TMEM201: variants seen among roughly 807,000 people sequenced by gnomAD.
TMEM201 encodes the protein RP13-15M17.2.
TMEM201 carries 26 observed loss-of-function variants against 63.4 expected under a neutral mutation model. That is an observed-to-expected ratio of 0.41 (90% CI 0.30 to 0.57). The LOEUF (loss-of-function observed/expected upper bound fraction) is 0.57, where lower values mean the gene tolerates loss of function less well. Ranked by LOEUF, TMEM201 falls within the 20% of genes least tolerant of loss-of-function variation. TMEM201 has a pLI of 0.29. For missense variants in TMEM201, 794 were observed against 917.7 expected, an observed-to-expected ratio of 0.87 and a Z score of 1.74; for synonymous variants, 417 against 421.6, an observed-to-expected ratio of 0.99 and a Z score of 0.14.
intron 6 of TMEM201, 189 bp downstream of exon 6, chr1:9,602,461 T>A: frequency 7.0e-7 from 1 of 1,435,792 alleles, no homozygotes; most frequent in East Asian, 2.5e-5. Flanking sequence ...TGCCCTGCCT[T>A]TTCCTTTCGG....
At position 9,603,260 on chromosome 1, in the gene TMEM201, G is replaced by T. The variant is rs1644181201; in HGVS notation, c.1160+988G>T. 1 of 985,166 alleles carries T rather than the reference G, an allele frequency of 1.0e-6. No homozygotes were observed. Among genetic ancestry groups the T allele is most frequent in the Non-Finnish European group, 1.2e-6 (1 of 829,704 alleles). 61.0% of individuals were successfully genotyped at this position (985,166 alleles called of 1,614,324 possible). A position where few individuals can be genotyped will look rare whatever the true frequency, so the allele number is the denominator to read the frequency against. On this transcript the variant is annotated intron_variant, in intron 6 of 10. Coordinates refer to ENST00000340381, the MANE Select transcript of TMEM201 (RefSeq NM_001130924.3). This position sits in a 1 kb window ranked among gnomAD's most constrained non-coding sequence, Gnocchi z 4.5. ...CCTGGCCAGGCCCCTGCTGTTCTCA[G>T]CCTCAGTTTGCCATCTATGAAATGA... is the stretch of plus-strand genomic sequence containing the variant.
Position 9,610,720 on chromosome 1 carries a change from C to A in TMEM201, c.1680C>A (p.His560Gln), listed in dbSNP as rs558130874. The change falls in exon 9 of 11, where the codon CAC becomes CAA. Residue 560 changes from histidine to glutamine, a missense_variant. Physicochemically the swap from His to Gln is conservative, Grantham distance 24 (BLOSUM62 0). Coordinates refer to ENST00000340381, the MANE Select transcript of TMEM201 (RefSeq NM_001130924.3). This position sits in a 1 kb window ranked among gnomAD's most constrained non-coding sequence, Gnocchi z 4.9. ...APTTPSSSDE[H>Q]SPHNGSLFTM... ...CCACGCCCAGCAGCTCCGATGAGCACTCGCCTCACAACGGCAGCCTCTTCA... is the reference window on the plus strand; with the variant it reads ...CCACGCCCAGCAGCTCCGATGAGCAATCGCCTCACAACGGCAGCCTCTTCA... 6.4e-7 allele frequency: 1 copy of A among 1,550,538 alleles called. No homozygotes were observed. Among genetic ancestry groups the A allele is most frequent in the South Asian group, 1.2e-5 (1 of 84,064 alleles).
Position 9,598,345 on chromosome 1 carries a change from C to T in TMEM201, c.430-104C>T. 3 of 1,391,786 alleles carry T rather than the reference C, an allele frequency of 2.2e-6. No homozygotes were observed. In the South Asian group the frequency reaches 4.0e-5, roughly 19 times the overall value. The allele number at this position is 1,391,786 out of a possible 1,614,324, so 86.2% of individuals were successfully genotyped here. ...TGGGGTTGACTTGCCCCCGGTCATCCCCTAGTAAGTGGCAGGTCAGGATCT... is the reference window on the plus strand; with the variant it reads ...TGGGGTTGACTTGCCCCCGGTCATCTCCTAGTAAGTGGCAGGTCAGGATCT... On this transcript the variant is annotated intron_variant, in intron 3 of 10. Transcript: ENST00000340381.
Position 9,604,703 on chromosome 1 carries a change from C to G in TMEM201, c.1160+2431C>G. 3 of 986,000 alleles carry G rather than the reference C, an allele frequency of 3.0e-6. No individual in the cohort carries two copies. The highest frequency in any genetic ancestry group is 3.6e-6 in the Non-Finnish European group (3 of 830,060). The allele number at this position is 986,000 out of a possible 1,614,324, so 61.1% of individuals were successfully genotyped here. ...TCCCCACCCAGGCCAAGCCGGCCCC[C>G]CGTACCCCTTGCCTGGGAGCAAACC... is the stretch of plus-strand genomic sequence containing the variant. On this transcript the variant is annotated intron_variant, in intron 6 of 10. Coordinates refer to ENST00000340381, the MANE Select transcript of TMEM201 (RefSeq NM_001130924.3). The surrounding 1 kb of genome is among the most constrained non-coding windows in gnomAD (Gnocchi z 4.1).
Position 9,610,054 on chromosome 1 carries a change from C to T in TMEM201, c.1465+143C>T. On this transcript the variant is annotated intron_variant, in intron 8 of 10. Transcript: ENST00000340381. The surrounding 1 kb of genome is among the most constrained non-coding windows in gnomAD (Gnocchi z 4.9). ...CAGCCCTGGGCAAGTGACCTACACACCTGTGCCTCAGTTTCCTCTTGCGTG... is the reference window on the plus strand; with the variant it reads ...CAGCCCTGGGCAAGTGACCTACACATCTGTGCCTCAGTTTCCTCTTGCGTG... 1 of 740,510 alleles carries T rather than the reference C, an allele frequency of 1.4e-6. No individual in the cohort carries two copies. The highest frequency in any genetic ancestry group is 2.3e-6 in the Non-Finnish European group (1 of 432,920). The allele number at this position is 740,510 out of a possible 1,614,324, so 45.9% of individuals were successfully genotyped here.
chr1:9,601,496 T>C lies in TMEM201; in HGVS notation c.956+42T>C, dbSNP rs749563063. 6 of 1,537,990 alleles carry C rather than the reference T, an allele frequency of 3.9e-6. No individual in the cohort carries two copies. In the Admixed American group the frequency reaches 5.3e-5, roughly 14 times the overall value. The stretch of plus-strand genomic sequence containing the variant: ...GGCCAGGAGTTGGCGGGCAGGGGAC[T>C]GTGTGCTGGATTACTGTCTAGGGCG... On this transcript the variant is annotated intron_variant, in intron 5 of 10. Coordinates refer to ENST00000340381, the MANE Select transcript of TMEM201 (RefSeq NM_001130924.3).
At chr1:9,596,124 C>T in intron 2 of TMEM201, 114 bp downstream of exon 2, 1 of 1,350,470 alleles carries the variant, frequency 7.4e-7, no homozygotes, top group Non-Finnish European at 1.0e-6. Context: ...GACCCCACAC[C>T]CTCATACCCT....
chr1:9,609,505 A>G (rs1338377849), intron 7 of TMEM201, among the ~76,000 whole-genome samples: 3 of 152,136 alleles, frequency 2.0e-5, no homozygotes, highest in African/African-American at 4.8e-5. Context: ...GGAGTGGACA[A>G]TATGCCCAGT....
intron 2 of TMEM201, among the ~76,000 whole-genome samples, chr1:9,596,614 C>T (rs1164281156): frequency 6.6e-6 from 1 of 152,140 alleles, no homozygotes; most frequent in Non-Finnish European, 1.5e-5. Flanking sequence ...TGTGGGTGGG[C>T]GGCGGGCTGC....
At position 9,595,983 on chromosome 1, in the gene TMEM201, C is replaced by A. The variant is rs1173943751; in HGVS notation, c.207C>A (p.His69Gln). ...YGNRNCWDCP[H>Q]CEQYNGFQEN... ...ACCGCAACTGCTGGGACTGTCCCCA[C>A]TGCGAGCAGTACAACGGCTTCCAGG... Residue 69 changes from histidine to glutamine, a missense_variant, in exon 2 of 11, where the codon CAC becomes CAA. Physicochemically the swap from His to Gln is conservative, Grantham distance 24. Coordinates refer to ENST00000340381, the MANE Select transcript of TMEM201 (RefSeq NM_001130924.3). 6.2e-7 allele frequency: 1 copy of A among 1,613,300 alleles called. No individual in the cohort carries two copies. Among genetic ancestry groups the A allele is most frequent in the Non-Finnish European group, 8.5e-7 (1 of 1,180,002 alleles).
In TMEM201 at chr1:9,603,857, CA is replaced by C. The variant is rs2100501606; in HGVS notation, c.1160+1586del. The C allele has an allele frequency of 1.0e-6, 1 of 985,474 alleles. No individual in the cohort carries two copies. Among genetic ancestry groups the C allele is most frequent in the African/African-American group, 1.7e-5 (1 of 57,368 alleles). The allele number at this position is 985,474 out of a possible 1,614,324, so 61.0% of individuals were successfully genotyped here. ...ACCTGCGTGGCTTCAGACAAGGCCCCAGCGTTACTGGGCTCAGCTTGTTGTT... is the reference window on the plus strand; with the variant it reads ...ACCTGCGTGGCTTCAGACAAGGCCCCGCGTTACTGGGCTCAGCTTGTTGTT... On this transcript the variant is annotated intron_variant, in intron 6 of 10. Transcript: ENST00000340381. The surrounding 1 kb of genome is among the most constrained non-coding windows in gnomAD (Gnocchi z 4.5).
In TMEM201 at chr1:9,607,523, C is replaced by G; in HGVS notation, c.1161-34C>G. 6.6e-7 allele frequency: 1 copy of G among 1,511,598 alleles called. No individual in the cohort carries two copies. The highest frequency in any genetic ancestry group is 2.0e-5 in the Admixed American group (1 of 49,526). 93.6% of individuals were successfully genotyped at this position (1,511,598 alleles called of 1,614,324 possible). A position where few individuals can be genotyped will look rare whatever the true frequency, so the allele number is the denominator to read the frequency against. ...CTGCCTCCAGGACCTCCCGCTGACC[C>G]TCTTCTTGTCCCGTGCCTGACGGGC... is the stretch of plus-strand genomic sequence containing the variant. On this transcript the variant is annotated intron_variant, in intron 6 of 10. Coordinates refer to ENST00000340381, the MANE Select transcript of TMEM201 (RefSeq NM_001130924.3). This position sits in a 1 kb window ranked among gnomAD's most constrained non-coding sequence, Gnocchi z 5.4.
Position 9,604,135 on chromosome 1 carries a change from G to A in TMEM201, c.1160+1863G>A, listed in dbSNP as rs546237386. The A allele has an allele frequency of 1.1e-5, 11 of 985,456 alleles. No homozygotes were observed. The highest frequency in any genetic ancestry group is 6.1e-5 in the Admixed American group (1 of 16,290). 61.0% of individuals were successfully genotyped at this position (985,456 alleles called of 1,614,324 possible). A position where few individuals can be genotyped will look rare whatever the true frequency, so the allele number is the denominator to read the frequency against. The stretch of plus-strand genomic sequence containing the variant: ...GTCGGCTGGCCATGCTGTTGCTTGC[G>A]TCTCGAATCTTCGGTTCTCGAGGAA... On this transcript the variant is annotated intron_variant, in intron 6 of 10. Transcript: ENST00000340381. This position sits in a 1 kb window ranked among gnomAD's most constrained non-coding sequence, Gnocchi z 4.1.
At chr1:9,593,670 G>C (rs924438767) in intron 1 of TMEM201, among the ~76,000 whole-genome samples, 1 of 152,204 alleles carries the variant, frequency 6.6e-6, no homozygotes, top group African/African-American at 2.4e-5. Flanking sequence ...AGGCACCCTG[G>C]ACAGAAGCCA....
At chr1:9,601,578 G>T (rs1185767611) in intron 5 of TMEM201, 124 bp downstream of exon 5, 1 of 969,714 alleles carries the variant, frequency 1.0e-6, no homozygotes, top group African/African-American at 1.6e-5. Flanking sequence ...CCATGTCACT[G>T]GTACAAGGCT....
In TMEM201 at chr1:9,605,129, G is replaced by A. The variant is rs1447702141; in HGVS notation, c.1161-2428G>A. On this transcript the variant is annotated intron_variant, in intron 6 of 10. Coordinates refer to ENST00000340381, the MANE Select transcript of TMEM201 (RefSeq NM_001130924.3). This position sits in a 1 kb window ranked among gnomAD's most constrained non-coding sequence, Gnocchi z 5.7. Reference sequence around the variant, plus strand: ...CCCGGCTCGCCTCCTCGCCTTTGCTGGATCATATTTTTTCCGTCTCAATAA... The same window carrying A: ...CCCGGCTCGCCTCCTCGCCTTTGCTAGATCATATTTTTTCCGTCTCAATAA... Among the ~76,000 whole-genome samples the A allele has an allele frequency of 6.6e-6, 1 of 152,140 alleles. No homozygotes were observed. The highest frequency in any genetic ancestry group is 2.4e-5 in the African/African-American group (1 of 41,418).
intron 7 of TMEM201, among the ~76,000 whole-genome samples, chr1:9,609,136 T>C (rs897610416): frequency 1.3e-5 from 2 of 152,326 alleles, no homozygotes; most frequent in Admixed American, 6.5e-5. Flanking sequence ...CCAGCATCCA[T>C]AGAATGGATT....
rs747597734 is a variant in TMEM201, at chr1:9,602,107, C to T, written c.995C>T (p.Ala332Val). ...GATGCCTTCTGCACCTGCCTGTGGG[C>T]CCTGCTGCTGGGGCTGCACCTGGCT... ...RIDAFCTCLW[A>V]LLLGLHLAEQ... The change falls in exon 6 of 11, where the codon GCC becomes GTC. Residue 332 changes from alanine to valine, a missense_variant. Physicochemically the swap from Ala to Val is moderately conservative, Grantham distance 64. Transcript: ENST00000340381. The T allele has an allele frequency of 1.9e-6, 3 of 1,612,944 alleles. No individual in the cohort carries two copies. In the Admixed American group the frequency reaches 5.0e-5, roughly 27 times the overall value.
At position 9,610,612 on chromosome 1, in the gene TMEM201, C is replaced by T. The variant is rs1486285235; in HGVS notation, c.1572C>T (p.Arg524=). ...CCAGCTCCGGCTCTCTGCGCCACCG[C>T]AGGCCCCTCATCAGCCCTGCCCGGC... ...VASSSGSLRH[R]RPLISPARLN... is the part of the protein sequence containing the mutation. The change falls in exon 9 of 11, where the codon CGC becomes CGT. Residue 524 remains arginine, a synonymous_variant. Transcript: ENST00000340381. The surrounding 1 kb of genome is among the most constrained non-coding windows in gnomAD (Gnocchi z 4.9). The T allele has an allele frequency of 6.4e-7, 1 of 1,550,660 alleles. No homozygotes were observed. The highest frequency in any genetic ancestry group is 2.4e-5 in the East Asian group (1 of 40,922).
Sources: gnomAD v4.1 joint callset for allele counts (sites outside exome capture counted in the v4.1 genomes callset) on GRCh38, gnomAD v4.1.1 for gene constraint, Gnocchi (gnomAD v3.1) non-coding constraint, MANE v1.5 for transcripts, NCBI Gene and HGNC (gene_info 2026-07-23, HGNC 2026-07-21) for gene names.